The following ELANE variants were observed in gnomAD, a reference collection of about 807,000 sequenced individuals.
ELANE encodes the protein neutrophil elastase.
In ELANE, 12 loss-of-function variants were observed where a neutral mutation model predicts 20.6. The ratio of observed to expected loss-of-function variants is 0.58; its 90% CI spans 0.37 to 0.94. ELANE has a LOEUF of 0.94. Ranked by LOEUF, ELANE falls within the 40% of genes least tolerant of loss-of-function variation. The pLI is 0.01. For missense variants in ELANE, 388 were observed against 395.2 expected, an observed-to-expected ratio of 0.98 and a Z score of 0.15; for synonymous variants, 203 against 177.4, an observed-to-expected ratio of 1.14 and a Z score of -1.15.
rs551223811 is a variant in ELANE at position 853,227 on chromosome 19, G to A, written c.225-35G>A. 2.2e-5 allele frequency: 35 copies of A among 1,557,734 alleles called. No individual in the cohort carries two copies. The African/African-American group carries it at 4.6e-4, about 20-fold the overall frequency. ...GCGCGGCTGAGCCCCGACCCCCGGG[G>A]CCGCCCCTGAGCCCCGCCTCTCCCT... On this transcript the variant is annotated intron_variant, in intron 2 of 4. Transcript: ENST00000263621.
Position 852,857 on chromosome 19 carries a change from G to A in ELANE, c.68-19G>A, listed in dbSNP as rs199933756. Reference sequence around the variant, plus strand: ...GCTCCTTGGCAGGCACTCAGCACCCGCACCCGGTGTGTCCCCAGGCACCGC... The same window carrying A: ...GCTCCTTGGCAGGCACTCAGCACCCACACCCGGTGTGTCCCCAGGCACCGC... On this transcript the variant is annotated intron_variant, in intron 1 of 4. Coordinates refer to ENST00000263621, the MANE Select transcript of ELANE (RefSeq NM_001972.4). 6.0e-5 allele frequency: 95 copies of A among 1,591,570 alleles called. No homozygotes were observed. The highest frequency in any genetic ancestry group is 7.8e-5 in the Non-Finnish European group (92 of 1,175,086).
At position 855,822 on chromosome 19, in the gene ELANE, C is replaced by T. The variant is rs368490215; in HGVS notation, c.597+28C>T. 3.1e-6 allele frequency: 5 copies of T among 1,606,402 alleles called. No homozygotes were observed. The African/African-American group carries it at 5.3e-5, about 17-fold the overall frequency. The stretch of plus-strand genomic sequence containing the variant: ...ACGTGCCCTGGGTGTCCCTCTGCTC[C>T]CCACCCGCTCCCAGCCCGGACTGCA... On this transcript the variant is annotated intron_variant, in intron 4 of 4. Coordinates refer to ENST00000263621, the MANE Select transcript of ELANE (RefSeq NM_001972.4). This position sits in a 1 kb window ranked among gnomAD's most constrained non-coding sequence, Gnocchi z 6.2.
chr19:855,900 G>T lies in ELANE; in HGVS notation c.598-58G>T. The T allele has an allele frequency of 6.2e-7, 1 of 1,608,914 alleles. No individual in the cohort carries two copies. Among genetic ancestry groups the T allele is most frequent in the South Asian group, 1.1e-5 (1 of 90,994 alleles). ...GAGGGACTTCCCAACCCTGACAGGCGGCGGGCAGGTGGGCAGGGCCTCGCA... is the reference window on the plus strand; with the variant it reads ...GAGGGACTTCCCAACCCTGACAGGCTGCGGGCAGGTGGGCAGGGCCTCGCA... On this transcript the variant is annotated intron_variant, in intron 4 of 4. Transcript: ENST00000263621. The surrounding 1 kb of genome is among the most constrained non-coding windows in gnomAD (Gnocchi z 6.2).
In ELANE at chr19:852,826, G is replaced by C. The variant is rs775524232; in HGVS notation, c.68-50G>C. 6 of 1,577,428 alleles carry C rather than the reference G, an allele frequency of 3.8e-6. No homozygotes were observed. In the African/African-American group the frequency reaches 8.1e-5, roughly 21 times the overall value. On this transcript the variant is annotated intron_variant, in intron 1 of 4. Transcript: ENST00000263621. ...ATCCAGAGGCCCCGTGGCCGGGAGG[G>C]GACAGGCTCCTTGGCAGGCACTCAG...
At position 855,604 on chromosome 19, in the gene ELANE, C is replaced by T. The variant is rs145175658; in HGVS notation, c.407C>T (p.Ala136Val). ...SATINANVQV[A>V]QLPAQGRRLG... The stretch of plus-strand genomic sequence containing the variant: ...ACCATCAACGCCAACGTGCAGGTGG[C>T]CCAGCTGCCGGCTCAGGGACGCCGC... Residue 136 changes from alanine (A) to valine (V), a missense_variant, in exon 4 of 5, where the codon GCC (alanine) becomes GTC (valine). By Grantham distance (64) the Ala-to-Val change is moderately conservative. This residue lies in a region of ELANE where 321 missense variants were observed against 309.8 expected (regional missense o/e 1.04). Coordinates refer to ENST00000263621, the MANE Select transcript of ELANE (RefSeq NM_001972.4). This position sits in a 1 kb window ranked among gnomAD's most constrained non-coding sequence, Gnocchi z 6.2. The T allele has an allele frequency of 2.5e-6, 4 of 1,601,474 alleles. No individual in the cohort carries two copies. The African/African-American group carries it at 4.0e-5, about 16-fold the overall frequency.
chr19:853,272 G>T lies in ELANE; in HGVS notation c.235G>T (p.Ala79Ser), dbSNP rs769123461. ...CTCCCTCCCCGGCAGAAACGTCCGC[G>T]CGGTGCGGGTGGTCCTGGGAGCCCA... is the stretch of plus-strand genomic sequence containing the variant. The part of the protein sequence containing the change: ...AHCVANVNVR[A>S]VRVVLGAHNL... Residue 79 changes from alanine (A) to serine (S), a missense_variant, in exon 3 of 5, where the codon GCG becomes TCG. Ala to Ser is a moderately conservative substitution (Grantham distance 99, BLOSUM62 1). Around this residue, in one of 3 missense-constraint regions of ELANE, gnomAD observed 321 missense variants for 309.8 expected, o/e 1.04. Coordinates refer to ENST00000263621, the MANE Select transcript of ELANE (RefSeq NM_001972.4). 12 of 1,603,074 alleles carry T rather than the reference G, an allele frequency of 7.5e-6. No homozygotes were observed. The Admixed American group carries it at 2.0e-4, about 27-fold the overall frequency.
At chr19:853,588 G>A (rs1568304661) in intron 3 of ELANE, among the ~76,000 whole-genome samples, 185 bp downstream of exon 3, 2 of 152,196 alleles carry the variant, frequency 1.3e-5, no homozygotes, top group African/African-American at 4.8e-5. Flanking sequence ...GCCATGGGCC[G>A]TTGAGGGGTT....
chr19:856,018 C>CG lies in ELANE; in HGVS notation c.662dup (p.Gly222ArgfsTer68). ...AATCCACGGAATTGCCTCCTTCGTC[C>CG]GGGGAGGCTGCGCCTCAGGGCTCTA... is the stretch of plus-strand genomic sequence containing the variant. On this transcript the variant is annotated frameshift_variant, in exon 5 of 5. Transcript: ENST00000263621. LOFTEE classifies it low-confidence loss of function (END_TRUNC). 1 of 1,613,194 alleles carries CG rather than the reference C, an allele frequency of 6.2e-7. No homozygotes were observed. Among genetic ancestry groups the CG allele is most frequent in the Non-Finnish European group, 8.5e-7 (1 of 1,179,740 alleles).
chr19:853,269 C>A lies in ELANE; in HGVS notation c.232C>A (p.Arg78Ser). Residue 78 changes from arginine to serine, a missense_variant, in exon 3 of 5, where the codon CGC (arginine) becomes AGC (serine). Physicochemically the swap from Arg to Ser is moderately radical, Grantham distance 110. This residue lies in a region of ELANE where 321 missense variants were observed against 309.8 expected (regional missense o/e 1.04). Coordinates refer to ENST00000263621, the MANE Select transcript of ELANE (RefSeq NM_001972.4). ...CCTCTCCCTCCCCGGCAGAAACGTC[C>A]GCGCGGTGCGGGTGGTCCTGGGAGC... ...AAHCVANVNV[R>S]AVRVVLGAHN... 1 of 1,602,078 alleles carries A rather than the reference C, an allele frequency of 6.2e-7. No individual in the cohort carries two copies. The highest frequency in any genetic ancestry group is 8.5e-7 in the Non-Finnish European group (1 of 1,175,084).
rs773808780 is a variant in ELANE at position 853,375 on chromosome 19, A to T, written c.338A>T (p.Asn113Ile). 7 of 1,610,784 alleles carry T rather than the reference A, an allele frequency of 4.3e-6. No individual in the cohort carries two copies. The South Asian group carries it at 7.7e-5, about 18-fold the overall frequency. The change falls in exon 3 of 5, where the codon AAC becomes ATC. Residue 113 changes from asparagine (N) to isoleucine (I), a missense_variant. By Grantham distance (149) the Asn-to-Ile change is moderately radical. This residue lies in a region of ELANE where 321 missense variants were observed against 309.8 expected (regional missense o/e 1.04). Coordinates refer to ENST00000263621, the MANE Select transcript of ELANE (RefSeq NM_001972.4). ...RIFENGYDPV[N>I]LLNDIVILQL... ...TTCGAAAACGGCTACGACCCCGTAA[A>T]CTTGCTCAACGACATCGTGATTCTC...
At chr19:853,672 T>C (rs1337804462) in intron 3 of ELANE, among the ~76,000 whole-genome samples, 247 of 130,636 alleles carry the variant, frequency 1.9e-3, no homozygotes, top group Middle Eastern at 9.4e-3. Flanking sequence ...CCCCGATCTG[T>C]TGTCAATCAA....
chr19:852,499 G>T, intron 1 of ELANE, 104 bp downstream of exon 1: 1 of 1,435,982 alleles, frequency 7.0e-7, no homozygotes, highest in Non-Finnish European at 9.5e-7. Flanking sequence ...CCTCACAGGG[G>T]AGGTGCCAGC....
At chr19:852,458 A>T in intron 1 of ELANE, 63 bp downstream of exon 1, 6 of 1,560,922 alleles carry the variant, frequency 3.8e-6, no homozygotes, top group Non-Finnish European at 5.2e-6. Flanking sequence ...CCACCTCTCC[A>T]TAGAGGGCCC....
chr19:855,778 A>C lies in ELANE; in HGVS notation c.581A>C (p.Gln194Pro), dbSNP rs545418743. Residue 194 changes from glutamine to proline, a missense_variant, in exon 4 of 5, where the codon CAG becomes CCG. Around this residue, in one of 3 missense-constraint regions of ELANE, gnomAD observed 321 missense variants for 309.8 expected, o/e 1.04. Coordinates refer to ENST00000263621, the MANE Select transcript of ELANE (RefSeq NM_001972.4). This position sits in a 1 kb window ranked among gnomAD's most constrained non-coding sequence, Gnocchi z 6.2. ...GTCTGCACTCTCGTGAGGGGCCGGC[A>C]GGCCGGCGTCTGTTTCGTACGTGCC... ...SNVCTLVRGRQAGVCFGDSGS... is the reference protein window; with the variant it reads ...SNVCTLVRGRPAGVCFGDSGS... 2.2e-5 allele frequency: 35 copies of C among 1,608,804 alleles called. 1 individual carries two copies. In the South Asian group the frequency reaches 3.5e-4, roughly 16 times the overall value.
At chr19:854,794 A>T (rs961442477) in intron 3 of ELANE, among the ~76,000 whole-genome samples, 1 of 146,518 alleles carries the variant, frequency 6.8e-6, no homozygotes, top group Non-Finnish European at 1.5e-5. Context: ...ATTTTATAAA[A>T]TAATAAATAT....
rs947146133 is a variant in ELANE at position 855,047 on chromosome 19, G to T, written c.367-517G>T. Among the ~76,000 whole-genome samples, 1 of 152,068 alleles carries T rather than the reference G, an allele frequency of 6.6e-6. No individual in the cohort carries two copies. Among genetic ancestry groups the T allele is most frequent in the African/African-American group, 2.4e-5 (1 of 41,506 alleles). ...TTTTGGTATTGTTAGTAGAGACGGG[G>T]TTTAACCATGTTAGCCAGGATGGTC... On this transcript the variant is annotated intron_variant, in intron 3 of 4. Coordinates refer to ENST00000263621, the MANE Select transcript of ELANE (RefSeq NM_001972.4). The surrounding 1 kb of genome is among the most constrained non-coding windows in gnomAD (Gnocchi z 6.2).
rs1052058442 is a variant in ELANE, at chr19:856,101, A to G, written c.741A>G (p.Gln247=). The G allele has an allele frequency of 3.1e-6, 5 of 1,612,894 alleles. No individual in the cohort carries two copies. Among genetic ancestry groups the G allele is most frequent in the Non-Finnish European group, 4.2e-6 (5 of 1,179,980 alleles). The change falls in exon 5 of 5, where the codon CAA becomes CAG. Residue 247 remains glutamine (Q), a synonymous_variant. Coordinates refer to ENST00000263621, the MANE Select transcript of ELANE (RefSeq NM_001972.4). ...TAAACTGGATCGACTCTATCATCCAACGCTCCGAGGACAACCCCTGTCCCC... is the reference window on the plus strand; with the variant it reads ...TAAACTGGATCGACTCTATCATCCAGCGCTCCGAGGACAACCCCTGTCCCC... The part of the protein sequence containing the change: ...QFVNWIDSII[Q]RSEDNPCPHP...
At chr19:853,150 G>T in intron 2 of ELANE, 112 bp from the exon 3 acceptor site, 2 of 1,466,026 alleles carry the variant, frequency 1.4e-6, no homozygotes, top group South Asian at 1.4e-5. Context: ...GGGCCCGCGG[G>T]GCCCCTCGAG....
chr19:853,422 G>T lies in ELANE; in HGVS notation c.366+19G>T, dbSNP rs1379344118. 2 of 1,581,122 alleles carry T rather than the reference G, an allele frequency of 1.3e-6. No individual in the cohort carries two copies. Among genetic ancestry groups the T allele is most frequent in the Non-Finnish European group, 1.7e-6 (2 of 1,164,762 alleles). ...TCTCCAGGTGCCGCCGGGCGGGGCGGGGGGCGCAGGGGCGGAGGCCAGAGG... is the reference window on the plus strand; with the variant it reads ...TCTCCAGGTGCCGCCGGGCGGGGCGTGGGGCGCAGGGGCGGAGGCCAGAGG... On this transcript the variant is annotated intron_variant, in intron 3 of 4. Coordinates refer to ENST00000263621, the MANE Select transcript of ELANE (RefSeq NM_001972.4).
Sources: gnomAD v4.1 joint callset for allele counts (sites outside exome capture counted in the v4.1 genomes callset) on GRCh38, gnomAD v4.1.1 for gene constraint, gnomAD v4.1.1 regional missense constraint, Gnocchi (gnomAD v3.1) non-coding constraint, MANE v1.5 for transcripts, NCBI Gene and HGNC (gene_info 2026-07-23, HGNC 2026-07-21) for gene names.